The following SESN3 variants were observed in gnomAD, a reference collection of about 807,000 sequenced individuals.
SESN3 encodes sestrin-3.
SESN3 carries 21 observed loss-of-function variants against 55.3 expected under a neutral mutation model. That is an observed-to-expected ratio of 0.38 (90% CI 0.27 to 0.55). The LOEUF is 0.55. Ranked by LOEUF, SESN3 falls within the 20% of genes least tolerant of loss-of-function variation. The pLI is 0.76. For missense variants in SESN3, 408 were observed against 604.3 expected, an observed-to-expected ratio of 0.68 and a Z score of 3.41; for synonymous variants, 181 against 203.1, an observed-to-expected ratio of 0.89 and a Z score of 0.93.
At position 95,194,309 on chromosome 11, in the gene SESN3, T is replaced by C. The variant is rs187183934; in HGVS notation, c.79-787A>G. On this transcript the variant is annotated intron_variant, in intron 1 of 9. Coordinates refer to ENST00000536441, the MANE Select transcript of SESN3 (RefSeq NM_144665.4). ...GGTAACCTGAGTCTTTTTTGGTCCT[T>C]ACAATCAAACAGCCTATCAAACACA... Among the ~76,000 whole-genome samples, 49 of 152,206 alleles carry C rather than the reference T, an allele frequency of 3.2e-4. No homozygotes were observed. In the Middle Eastern group the frequency reaches 0.014, roughly 42 times the overall value.
At chr11:95,185,230 A>G (rs1298830496) in intron 5 of SESN3, 26 bp downstream of exon 5, 3 of 1,393,458 alleles carry the variant, frequency 2.2e-6, no homozygotes, top group Middle Eastern at 1.8e-4. Flanking sequence ...CAAAAATAGT[A>G]AAGAAAAATA....
At position 95,177,756 on chromosome 11, in the gene SESN3, C is replaced by T. The variant is rs777309618; in HGVS notation, c.1210G>A (p.Ala404Thr). ...ATACAGTGAACATAGTTAAATAAAGCTCTGCGCAGCATGGTTGTGTCAACA... is the reference window on the plus strand; with the variant it reads ...ATACAGTGAACATAGTTAAATAAAGTTCTGCGCAGCATGGTTGTGTCAACA... ...EDVDTTMLRR[A>T]LFNYVHCMFG... Residue 404 changes from alanine (A) to threonine (T), a missense_variant, in exon 8 of 10, where the codon GCT becomes ACT. By Grantham distance (58) the Ala-to-Thr change is moderately conservative. Transcript: ENST00000536441. The T allele has an allele frequency of 1.2e-6, 2 of 1,612,006 alleles. No individual in the cohort carries two copies. Among genetic ancestry groups the T allele is most frequent in the East Asian group, 2.2e-5 (1 of 44,696 alleles).
At chr11:95,213,015 A>G (rs2134257618) in intron 1 of SESN3, among the ~76,000 whole-genome samples, 1 of 152,302 alleles carries the variant, frequency 6.6e-6, no homozygotes, top group Middle Eastern at 3.4e-3. Flanking sequence ...TATTGCTAAA[A>G]ACAAAGGACA....
At chr11:95,219,065 A>C (rs1860813417) in intron 1 of SESN3, among the ~76,000 whole-genome samples, 1 of 152,220 alleles carries the variant, frequency 6.6e-6, no homozygotes, top group African/African-American at 2.4e-5. Context: ...CTTTGCCTAA[A>C]GAATATTACA....
chr11:95,219,807 TAGGAAAGACAGTCTCTAGTGAAGCGG>T (rs1860826179), intron 1 of SESN3, among the ~76,000 whole-genome samples: 2 of 152,090 alleles, frequency 1.3e-5, no homozygotes, highest in Non-Finnish European at 2.9e-5. Flanking sequence ...GTAAACAAGT[TAGGAAAGACAGTCTCTAGTGAAGCGG>T]TTACTTGAAT....
chr11:95,229,972 G>T (rs1339203940), intron 1 of SESN3, among the ~76,000 whole-genome samples: 3 of 151,788 alleles, frequency 2.0e-5, no homozygotes, highest in Non-Finnish European at 2.9e-5. Flanking sequence ...CATCCCTCTC[G>T]CCCTTCCCCG....
chr11:95,208,990 C>T lies in SESN3; in HGVS notation c.79-15468G>A, dbSNP rs562376752. Among the ~76,000 whole-genome samples, 7 of 151,528 alleles carry T rather than the reference C, an allele frequency of 4.6e-5. No homozygotes were observed. The East Asian group carries it at 1.4e-3, about 29-fold the overall frequency. ...CCCTAGAAGAAAAGCTAGGCAATAC[C>T]ATTCAGGACACAGGCATGGGCAAAG... On this transcript the variant is annotated intron_variant, in intron 1 of 9. Transcript: ENST00000536441.
chr11:95,207,070 C>T (rs553873614), intron 1 of SESN3, among the ~76,000 whole-genome samples: 5 of 152,252 alleles, frequency 3.3e-5, no homozygotes, highest in South Asian at 2.1e-4. Flanking sequence ...TGAACCACCA[C>T]GCGCGGCCAA....
chr11:95,207,102 G>A (rs1860564099), intron 1 of SESN3, among the ~76,000 whole-genome samples: 1 of 152,098 alleles, frequency 6.6e-6, no homozygotes. Flanking sequence ...TTTAAGTACT[G>A]AAAGGACATC....
At chr11:95,232,112 G>T (rs891116418), upstream of SESN3, 1 of 152,276 alleles carries the variant, frequency 6.6e-6, no homozygotes, top group East Asian at 1.9e-4. Context: ...AGAAAGGAAG[G>T]TTCAGAGAAC....
At position 95,218,085 on chromosome 11, in the gene SESN3, A is replaced by G. The variant is rs531041919; in HGVS notation, c.78+12698T>C. On this transcript the variant is annotated intron_variant, in intron 1 of 9. Transcript: ENST00000536441. ...GAGTAAGTGTAGGTTCATTTATTAC[A>G]TGACACATTTCTTGAGCACCACTAT... Among the ~76,000 whole-genome samples, 11 of 152,328 alleles carry G rather than the reference A, an allele frequency of 7.2e-5. No individual in the cohort carries two copies. The South Asian group carries it at 2.3e-3, about 32-fold the overall frequency.
At position 95,178,846 on chromosome 11, in the gene SESN3, C is replaced by A. The variant is rs781130105; in HGVS notation, c.938-18G>T. The A allele has an allele frequency of 2.9e-6, 4 of 1,386,180 alleles. No homozygotes were observed. The African/African-American group carries it at 5.7e-5, about 20-fold the overall frequency. The allele number at this position is 1,386,180 out of a possible 1,614,324, so 85.9% of individuals were successfully genotyped here. A position where few individuals can be genotyped will look rare whatever the true frequency, so the allele number is the denominator to read the frequency against. ...CTCAAAATCTAAGGACAATAATGAA[C>A]AATCTAGTGTTAAGGATACTGTACG... is the stretch of plus-strand genomic sequence containing the variant. On this transcript the variant is annotated intron_variant, in intron 6 of 9. Coordinates refer to ENST00000536441, the MANE Select transcript of SESN3 (RefSeq NM_144665.4).
intron 1 of SESN3, among the ~76,000 whole-genome samples, chr11:95,226,069 A>G (rs977794175): frequency 6.6e-6 from 1 of 152,134 alleles, no homozygotes; most frequent in Non-Finnish European, 1.5e-5. Flanking sequence ...GACTAAAAGC[A>G]TAATCTTTAC....
At chr11:95,213,148 TAAA>T (rs55801322) in intron 1 of SESN3, among the ~76,000 whole-genome samples, 3 of 151,054 alleles carry the variant, frequency 2.0e-5, no homozygotes, top group Non-Finnish European at 4.4e-5. Flanking sequence ...TCCTAAAAAA[TAAA>T]AAAAAACCTT....
intron 9 of SESN3, 118 bp downstream of exon 9, chr11:95,175,380 G>C: frequency 1.1e-6 from 1 of 904,226 alleles, no homozygotes; most frequent in Non-Finnish European, 1.6e-6. Flanking sequence ...GCTAGATGAT[G>C]CCACTTCCAT....
chr11:95,210,017 CAAAAAAAA>C (rs71036380), intron 1 of SESN3, among the ~76,000 whole-genome samples: 1 of 60,190 alleles, frequency 1.7e-5, no homozygotes, highest in Non-Finnish European at 3.0e-5. Flanking sequence ...AACTCCATCT[CAAAAAAAA>C]AAAAAAAAAA....
chr11:95,231,284 A>G (rs987332968), upstream of SESN3: 2 of 391,760 alleles, frequency 5.1e-6, no homozygotes, highest in East Asian at 3.7e-5. Context: ...AGCTCCGGCT[A>G]CGCCCCCAGG....
Position 95,166,409 on chromosome 11 carries a change from C to T in SESN3, c.*6846G>A, listed in dbSNP as rs1029714017. On this transcript the variant is annotated 3_prime_UTR_variant, in exon 10 of 10. Transcript: ENST00000536441. The stretch of plus-strand genomic sequence containing the variant: ...TGATGAATTAAAGAGCTATAACAGA[C>T]ATTTCACAGCATGCTACATATATCG... 1 of 152,154 alleles carries T rather than the reference C, an allele frequency of 6.6e-6. No homozygotes were observed. The allele number at this position is 152,154 out of a possible 1,614,324, so 9.4% of individuals were successfully genotyped here.
chr11:95,200,420 A>G (rs1052986240), intron 1 of SESN3, among the ~76,000 whole-genome samples: 11 of 152,114 alleles, frequency 7.2e-5, no homozygotes, highest in African/African-American at 2.4e-4. Context: ...CCAGATTATA[A>G]TAACTGAGAT....
Sources: allele counts gnomAD v4.1 joint callset (sites outside exome capture counted in the v4.1 genomes callset), GRCh38; gene constraint gnomAD v4.1.1; transcripts MANE v1.5; gene names NCBI Gene and HGNC (gene_info 2026-07-23, HGNC 2026-07-21).